The following INSYN2B variants were observed in gnomAD, a reference collection of about 807,000 sequenced individuals.
The protein encoded by INSYN2B is protein INSYN2B.
A neutral mutation model predicts 41.2 loss-of-function variants in INSYN2B; 16 were observed. The observed-to-expected ratio is 0.39, with a 90% CI of 0.26 to 0.59. The LOEUF is 0.59. Among genes scored for constraint, INSYN2B ranks in the 20% least tolerant of loss-of-function variants. INSYN2B has a pLI of 0.57. For synonymous variants in INSYN2B, 245 were observed against 244.4 expected (o/e 1.00, Z -0.02); for missense variants, 608 against 646.4 (o/e 0.94, Z 0.64).
intron 1 of INSYN2B, among the ~76,000 whole-genome samples, chr5:169,962,852 G>A (rs1024615717): frequency 6.6e-6 from 1 of 152,164 alleles, no homozygotes; most frequent in Middle Eastern, 3.2e-3. Context: ...GACTGGGGAT[G>A]AGGCAGAATT....
At chr5:169,921,438 A>G (rs75763895) in intron 1 of INSYN2B, among the ~76,000 whole-genome samples, 367 of 152,338 alleles carry the variant, frequency 2.4e-3, no homozygotes, top group African/African-American at 7.4e-3. Flanking sequence ...TCTTTTAAAG[A>G]TGAAGACTGT....
chr5:169,955,650 G>T (rs562563578), intron 1 of INSYN2B, among the ~76,000 whole-genome samples: 2 of 152,310 alleles, frequency 1.3e-5, no homozygotes, highest in African/African-American at 2.4e-5. Flanking sequence ...GGAGAAGAAG[G>T]CAGGCAAACC....
chr5:169,956,936 C>T (rs1055911176), intron 1 of INSYN2B, among the ~76,000 whole-genome samples: 10 of 152,058 alleles, frequency 6.6e-5, no homozygotes, highest in African/African-American at 2.4e-4. Context: ...GCCTGCAGAG[C>T]CAGCACTGTC....
At chr5:169,967,620 T>C (rs1777350327) in intron 1 of INSYN2B, among the ~76,000 whole-genome samples, 1 of 152,094 alleles carries the variant, frequency 6.6e-6, no homozygotes, top group Non-Finnish European at 1.5e-5. Flanking sequence ...TCTATTTTAG[T>C]AGGATTGAGA....
intron 3 of INSYN2B, chr5:169,876,016 C>G (rs1352929859): frequency 1.3e-5 from 2 of 152,218 alleles, no homozygotes; most frequent in African/African-American, 4.8e-5. Flanking sequence ...CAGAGCTGTG[C>G]TCTTTCTGGA....
chr5:169,884,423 C>T lies in INSYN2B; in HGVS notation c.-525G>A, dbSNP rs1772851265. The T allele has an allele frequency of 6.6e-6, 1 of 152,372 alleles. No individual in the cohort carries two copies. The highest frequency in any genetic ancestry group is 2.4e-5 in the African/African-American group (1 of 41,442). The allele number at this position is 152,372 out of a possible 1,614,324, so 9.4% of individuals were successfully genotyped here. A position where few individuals can be genotyped will look rare whatever the true frequency, so the allele number is the denominator to read the frequency against. On this transcript the variant is annotated 5_prime_UTR_variant, in exon 2 of 4. It removes an upstream start codon present in the reference 5' UTR. Coordinates refer to ENST00000377365, the MANE Select transcript of INSYN2B (RefSeq NM_001129891.3). ...AGGAAACTTAAATGCATCTTCTTTC[C>T]ATAGCAGGTAAACAGGTGGAGAAAT... is the stretch of plus-strand genomic sequence containing the variant.
At chr5:169,946,041 A>T (rs537348552) in intron 1 of INSYN2B, among the ~76,000 whole-genome samples, 1 of 152,222 alleles carries the variant, frequency 6.6e-6, no homozygotes, top group South Asian at 2.1e-4. Context: ...ACAGACCATC[A>T]GCTGAGCAAA....
At chr5:169,901,286 G>A (rs1387068798) in intron 1 of INSYN2B, among the ~76,000 whole-genome samples, 1 of 152,180 alleles carries the variant, frequency 6.6e-6, no homozygotes, top group Non-Finnish European at 1.5e-5. Context: ...AGGCCAGCTT[G>A]GATGGAATCC....
intron 3 of INSYN2B, among the ~76,000 whole-genome samples, chr5:169,865,731 C>A (rs1771506432): frequency 6.6e-6 from 1 of 152,206 alleles, no homozygotes; most frequent in Non-Finnish European, 1.5e-5. Flanking sequence ...ACAGTGCATT[C>A]TCCTTGTTTA....
rs773231564 is a variant in INSYN2B, at chr5:169,956,700, A to G, written c.-919+23577T>C. ...AAGTCATGGGGATGCCCTTAAATTC[A>G]CCTGTTTATAAATACAAGCTTTGTT... On this transcript the variant is annotated intron_variant, in intron 1 of 3. Coordinates refer to ENST00000377365, the MANE Select transcript of INSYN2B (RefSeq NM_001129891.3). 2.3e-4 allele frequency among the ~76,000 whole-genome samples: 35 copies of G among 152,170 alleles called. 1 individual carries two copies. The highest frequency in any genetic ancestry group is 4.7e-4 in the Non-Finnish European group (32 of 68,024).
chr5:169,928,141 C>A (rs1406173019), intron 1 of INSYN2B, among the ~76,000 whole-genome samples: 1 of 152,196 alleles, frequency 6.6e-6, no homozygotes, highest in Non-Finnish European at 1.5e-5. Context: ...CAAACCCTTC[C>A]CCCTGCAACT....
chr5:169,974,660 G>A (rs140063241), intron 1 of INSYN2B, among the ~76,000 whole-genome samples: 1 of 152,192 alleles, frequency 6.6e-6, no homozygotes, highest in East Asian at 1.9e-4. Context: ...CCCTAGCAAT[G>A]CTCCTGGTTT....
intron 1 of INSYN2B, among the ~76,000 whole-genome samples, chr5:169,942,490 G>A (rs1021378650): frequency 6.6e-5 from 10 of 152,154 alleles, no homozygotes; most frequent in African/African-American, 2.2e-4. Flanking sequence ...TGAGGTATTG[G>A]GAAATTATCA....
At chr5:169,965,022 A>C (rs1581479660) in intron 1 of INSYN2B, among the ~76,000 whole-genome samples, 1 of 152,220 alleles carries the variant, frequency 6.6e-6, no homozygotes, top group East Asian at 1.9e-4. Context: ...CTTTTGAATC[A>C]ATTCATTCAA....
chr5:169,968,411 G>C (rs371592120), intron 1 of INSYN2B, among the ~76,000 whole-genome samples: 47 of 152,270 alleles, frequency 3.1e-4, no homozygotes, highest in East Asian at 2.7e-3. Flanking sequence ...ATACAGGATT[G>C]GGAAGAAGGT....
intron 1 of INSYN2B, among the ~76,000 whole-genome samples, chr5:169,971,604 A>G (rs1777512454): frequency 6.6e-6 from 1 of 152,140 alleles, no homozygotes; most frequent in South Asian, 2.1e-4. Context: ...CCAGAGTGTG[A>G]TGATTCTGCC....
chr5:169,879,084 G>A (rs1581345037), intron 3 of INSYN2B, among the ~76,000 whole-genome samples: 1 of 152,186 alleles, frequency 6.6e-6, no homozygotes, highest in Non-Finnish European at 1.5e-5. Context: ...CATAGCCATA[G>A]CCTCCAGCTG....
intron 1 of INSYN2B, among the ~76,000 whole-genome samples, chr5:169,901,200 T>C (rs1773903107): frequency 6.6e-6 from 1 of 151,964 alleles, no homozygotes; most frequent in Admixed American, 6.6e-5. Flanking sequence ...GAAAAGAGGG[T>C]GTCCAGGCAA....
chr5:169,866,454 G>A (rs1369459436), intron 3 of INSYN2B, among the ~76,000 whole-genome samples: 2 of 152,226 alleles, frequency 1.3e-5, no homozygotes, highest in Admixed American at 1.3e-4. Context: ...CCTCAGTGAA[G>A]CTTAAATGCC....
Sources: allele counts gnomAD v4.1 joint callset (sites outside exome capture counted in the v4.1 genomes callset), GRCh38; gene constraint gnomAD v4.1.1; transcripts MANE v1.5; gene names NCBI Gene and HGNC (gene_info 2026-07-23, HGNC 2026-07-21).